SLC1A2: variants seen among roughly 807,000 people sequenced by gnomAD.
SLC1A2 encodes excitatory amino acid transporter 2.
Under a neutral mutation model 48.8 loss-of-function variants are expected in SLC1A2, and 15 were observed. The observed-to-expected ratio is 0.31, with a 90% CI of 0.21 to 0.47. The LOEUF (loss-of-function observed/expected upper bound fraction) is 0.47, where lower values mean the gene tolerates loss of function less well. SLC1A2 is among the 20% of genes least tolerant of loss of function. The probability of loss-of-function intolerance (pLI) is 0.99; values close to 1 mark genes in which losing one functional copy is unlikely to be tolerated. For missense variants in SLC1A2, 502 were observed against 730.5 expected, an observed-to-expected ratio of 0.69 and a Z score of 3.61; for synonymous variants, 279 against 272.6, an observed-to-expected ratio of 1.02 and a Z score of -0.23.
chr11:35,360,424 C>T (rs1853636889), intron 1 of SLC1A2, among the ~76,000 whole-genome samples: 1 of 152,238 alleles, frequency 6.6e-6, no homozygotes, highest in Non-Finnish European at 1.5e-5. Flanking sequence ...GTAGCTCTGA[C>T]ACCAGATGAC....
chr11:35,313,657 T>C (rs1236333405), intron 3 of SLC1A2, among the ~76,000 whole-genome samples: 2 of 152,188 alleles, frequency 1.3e-5, no homozygotes, highest in Non-Finnish European at 2.9e-5. Context: ...CGACGGGAGC[T>C]AGGTTTCCCC....
intron 1 of SLC1A2, among the ~76,000 whole-genome samples, chr11:35,410,863 C>T (rs918164769): frequency 1.3e-5 from 2 of 152,188 alleles, no homozygotes; most frequent in Admixed American, 6.5e-5. Flanking sequence ...TTCCCTCATT[C>T]CTTCATAAGG....
At chr11:35,321,855 A>G (rs947134573) in intron 1 of SLC1A2, among the ~76,000 whole-genome samples, 1 of 152,148 alleles carries the variant, frequency 6.6e-6, no homozygotes, top group Non-Finnish European at 1.5e-5. Flanking sequence ...GTGGCTGTGC[A>G]CACAGAACAA....
chr11:35,312,135 T>C (rs1851726854), intron 4 of SLC1A2, 63 bp downstream of exon 4: 1 of 1,546,840 alleles, frequency 6.5e-7, no homozygotes, highest in Non-Finnish European at 8.9e-7. Flanking sequence ...TAAAATACTC[T>C]TAAGTTATCG....
chr11:35,387,225 A>C (rs1015793990), intron 1 of SLC1A2, among the ~76,000 whole-genome samples: 3 of 152,190 alleles, frequency 2.0e-5, no homozygotes, highest in Non-Finnish European at 4.4e-5. Flanking sequence ...GAAATGGGTC[A>C]AATCATTCTG....
At chr11:35,357,294 A>C (rs1479282632) in intron 1 of SLC1A2, among the ~76,000 whole-genome samples, 3 of 152,060 alleles carry the variant, frequency 2.0e-5, no homozygotes, top group African/African-American at 4.8e-5. Context: ...TTAAAAGCAA[A>C]TTCAAATCCA....
intron 7 of SLC1A2, among the ~76,000 whole-genome samples, chr11:35,289,345 C>T (rs551716460): frequency 6.7e-4 from 101 of 151,818 alleles, no homozygotes; most frequent in African/African-American, 2.3e-3. Flanking sequence ...AAGAAACCTT[C>T]AGTTAATTCT....
At chr11:35,385,580 T>C (rs1307587705) in intron 1 of SLC1A2, among the ~76,000 whole-genome samples, 1 of 152,174 alleles carries the variant, frequency 6.6e-6, no homozygotes, top group African/African-American at 2.4e-5. Flanking sequence ...CTGTAAGTTA[T>C]CTCAGAATAC....
intron 8 of SLC1A2, chr11:35,285,282 G>A (rs886963491): frequency 1.3e-5 from 2 of 152,196 alleles, no homozygotes; most frequent in African/African-American, 4.8e-5. Flanking sequence ...TAATTTCTTT[G>A]AGCCTCACAT....
chr11:35,371,191 C>T (rs111550322), intron 1 of SLC1A2: 70 of 413,930 alleles, frequency 1.7e-4, no homozygotes, highest in African/African-American at 1.5e-3. Flanking sequence ...ACTCTGAATG[C>T]AAGCCCCATT....
At position 35,345,687 on chromosome 11, in the gene SLC1A2, C is replaced by T. The variant is rs879604633; in HGVS notation, c.18-28171G>A. On this transcript the variant is annotated intron_variant, in intron 1 of 10. Coordinates refer to ENST00000278379, the MANE Select transcript of SLC1A2 (RefSeq NM_004171.4). ...GAGTTAACTATAACCCCTTCACCAACCAGACTCTTTCCCTGTCTCTTAAAA... is the reference window on the plus strand; with the variant it reads ...GAGTTAACTATAACCCCTTCACCAATCAGACTCTTTCCCTGTCTCTTAAAA... Among the ~76,000 whole-genome samples the T allele has an allele frequency of 5.3e-5, 8 of 151,842 alleles. No homozygotes were observed. In the South Asian group the frequency reaches 1.7e-3, roughly 32 times the overall value.
At chr11:35,297,335 C>T (rs1267414132) in intron 6 of SLC1A2, among the ~76,000 whole-genome samples, 1 of 152,048 alleles carries the variant, frequency 6.6e-6, no homozygotes, top group African/African-American at 2.4e-5. Flanking sequence ...CATCCACTGC[C>T]CCCACCTTGC....
rs574427631 is a variant in SLC1A2 at position 35,353,358 on chromosome 11, T to C, written c.18-35842A>G. Among the ~76,000 whole-genome samples, 7 of 152,302 alleles carry C rather than the reference T, an allele frequency of 4.6e-5. No homozygotes were observed. In the South Asian group the frequency reaches 1.5e-3, roughly 32 times the overall value. ...TCTTCACCTAGCAGACTCCTGCTCA[T>C]CCTTCCAATCTTGAATCAAATGTTG... On this transcript the variant is annotated intron_variant, in intron 1 of 10. Coordinates refer to ENST00000278379, the MANE Select transcript of SLC1A2 (RefSeq NM_004171.4).
In SLC1A2 at chr11:35,278,774, T is replaced by C. The variant is rs528685550; in HGVS notation, c.1421+2093A>G. Among the ~76,000 whole-genome samples the C allele has an allele frequency of 5.3e-5, 8 of 152,174 alleles. No individual in the cohort carries two copies. In the South Asian group the frequency reaches 1.2e-3, roughly 24 times the overall value. On this transcript the variant is annotated intron_variant, in intron 9 of 10. Transcript: ENST00000278379. ...TGGCTCACCCGTGTAATCTCAGCAC[T>C]GTGGGAGGCTGAGGTGGGCCGATCA... is the stretch of plus-strand genomic sequence containing the variant.
rs1213084635 is a variant in SLC1A2 at position 35,311,897 on chromosome 11, GGA to G, written c.561+299_561+300del. On this transcript the variant is annotated intron_variant, in intron 4 of 10. Transcript: ENST00000278379. ...GAGAGAGAGAGAGAGAGAGAGGGAG[GGA>G]GAGAGAGAGAGAGAGAGAGAGAGGC... Among the ~76,000 whole-genome samples the G allele has an allele frequency of 2.5e-3, 64 of 25,660 alleles. 1 individual carries two copies. The highest frequency in any genetic ancestry group is 3.8e-3 in the East Asian group (2 of 528). The allele number at this position is 25,660 out of a possible 152,430, so 16.8% of individuals were successfully genotyped here.
intron 1 of SLC1A2, among the ~76,000 whole-genome samples, chr11:35,387,360 C>T (rs1457541343): frequency 6.6e-6 from 1 of 152,098 alleles, no homozygotes; most frequent in Non-Finnish European, 1.5e-5. Flanking sequence ...ACTGAGGAGG[C>T]TCCCATGTAA....
At chr11:35,292,713 G>T (rs1451407224) in intron 6 of SLC1A2, among the ~76,000 whole-genome samples, 193 bp from the exon 7 acceptor site, 1 of 151,906 alleles carries the variant, frequency 6.6e-6, no homozygotes, top group Admixed American at 6.6e-5. Flanking sequence ...TGGATCTGGT[G>T]GCGCCTGCTC....
At position 35,265,896 on chromosome 11, in the gene SLC1A2, C is replaced by T. The variant is rs549487774; in HGVS notation, c.1422-138G>A. The T allele has an allele frequency of 3.3e-5, 20 of 610,664 alleles. No individual in the cohort carries two copies. In the East Asian group the frequency reaches 5.2e-4, roughly 16 times the overall value. The allele number at this position is 610,664 out of a possible 1,614,324, so 37.8% of individuals were successfully genotyped here. ...CCTCTGCCTGATTTGGGGCAAGTTA[C>T]TTAACTTTCATGAGCCTTGACTTCC... On this transcript the variant is annotated intron_variant, in intron 9 of 10. Coordinates refer to ENST00000278379, the MANE Select transcript of SLC1A2 (RefSeq NM_004171.4).
At chr11:35,310,933 C>T (rs1248465831) in intron 4 of SLC1A2, among the ~76,000 whole-genome samples, 2 of 151,990 alleles carry the variant, frequency 1.3e-5, no homozygotes, top group East Asian at 3.9e-4. Flanking sequence ...TTTTGTAGTG[C>T]CATTTTGCAA....
Sources: gnomAD v4.1 joint callset for allele counts (sites outside exome capture counted in the v4.1 genomes callset) on GRCh38, gnomAD v4.1.1 for gene constraint, MANE v1.5 for transcripts, NCBI Gene and HGNC (gene_info 2026-07-23, HGNC 2026-07-21) for gene names.